Variants in STARD13 observed in about 807,000 individuals in gnomAD.
The protein encoded by STARD13 is stAR-related lipid transfer protein 13.
A neutral mutation model predicts 106.4 loss-of-function variants in STARD13; 62 were observed. The ratio of observed to expected loss-of-function variants is 0.58; its 90% CI spans 0.48 to 0.72. STARD13 has a LOEUF of 0.72. Among genes scored for constraint, STARD13 ranks in the 30% least tolerant of loss-of-function variants. The pLI is 0.00. For missense variants in STARD13, 1,387 were observed against 1,424.0 expected (o/e 0.97, Z 0.42); for synonymous variants, 565 against 553.0 (o/e 1.02, Z -0.31).
At chr13:33,367,631 T>C in the STARD13 span, among the ~76,000 whole-genome samples, 1 of 152,050 alleles carries the variant, frequency 6.6e-6, no homozygotes, top group African/African-American at 2.4e-5. Flanking sequence ...GTCTCAGTGA[T>C]AGATTTGCAT....
chr13:33,138,581 A>C (rs1303188900), intron 4 of STARD13: 1 of 199,034 alleles, frequency 5.0e-6, no homozygotes, highest in Non-Finnish European at 1.0e-5. Context: ...ACAGCTGCAA[A>C]AGGCAACGCA....
the STARD13 span, among the ~76,000 whole-genome samples, chr13:33,424,584 G>A: frequency 3.9e-5 from 6 of 152,118 alleles, no homozygotes; most frequent in East Asian, 1.9e-4. Flanking sequence ...AGCAACACCC[G>A]TGAAAAGAAA....
chr13:33,455,161 C>A, the STARD13 span, among the ~76,000 whole-genome samples: 1 of 152,186 alleles, frequency 6.6e-6, no homozygotes, highest in Non-Finnish European at 1.5e-5. Context: ...CAGACTGTGA[C>A]ACACAGAAGC....
chr13:33,591,857 C>T, the STARD13 span, among the ~76,000 whole-genome samples: 1 of 152,148 alleles, frequency 6.6e-6, no homozygotes, highest in African/African-American at 2.4e-5. Flanking sequence ...TAAGCTTTGA[C>T]CTACTCAACA....
intron 1 of STARD13, chr13:33,272,672 T>C (rs894024638): frequency 6.6e-6 from 1 of 152,098 alleles, no homozygotes; most frequent in Admixed American, 6.5e-5. Context: ...GAAGGAAAGG[T>C]GACTGACAGC....
At chr13:33,430,290 C>T in the STARD13 span, among the ~76,000 whole-genome samples, 2 of 152,030 alleles carry the variant, frequency 1.3e-5, no homozygotes, top group Admixed American at 1.3e-4. Context: ...GGATGGATAC[C>T]CCATTCTCCA....
the STARD13 span, among the ~76,000 whole-genome samples, chr13:33,627,471 T>C: frequency 6.6e-6 from 1 of 152,028 alleles, no homozygotes; most frequent in Non-Finnish European, 1.5e-5. Context: ...ACCCCGTCTC[T>C]ACTAAAAATA....
the STARD13 span, among the ~76,000 whole-genome samples, chr13:33,637,333 A>G: frequency 6.6e-6 from 1 of 152,206 alleles, no homozygotes; most frequent in East Asian, 1.9e-4. Flanking sequence ...TTCCACCACC[A>G]CATTACAGGA....
Position 33,111,876 on chromosome 13 carries a change from A to G in STARD13, c.2509T>C (p.Tyr837His), listed in dbSNP as rs776845383. ...ESSPRVIQKK[Y>H]ATGKPDQKDL... is the part of the protein sequence containing the mutation. The stretch of plus-strand genomic sequence containing the variant: ...TTTTGATCTGGCTTCCCAGTGGCAT[A>G]TTTCTTCTGTATGACTCTGTAATTG... The change falls in exon 10 of 14, where the codon TAT becomes CAT. Residue 837 changes from tyrosine (Y) to histidine (H), a missense_variant. By Grantham distance (83) the Tyr-to-His change is moderately conservative. Transcript: ENST00000336934. 2 of 1,613,166 alleles carry G rather than the reference A, an allele frequency of 1.2e-6. No individual in the cohort carries two copies. The highest frequency in any genetic ancestry group is 1.1e-5 in the South Asian group (1 of 91,052).
the STARD13 span, among the ~76,000 whole-genome samples, chr13:33,618,576 T>C: frequency 6.6e-6 from 1 of 152,076 alleles, no homozygotes; most frequent in Non-Finnish European, 1.5e-5. Context: ...ATATTGAGGA[T>C]ACAAATTAAA....
the STARD13 span, among the ~76,000 whole-genome samples, chr13:33,362,417 A>G: frequency 6.6e-6 from 1 of 152,226 alleles, no homozygotes; most frequent in Non-Finnish European, 1.5e-5. Context: ...ACATTTCCAC[A>G]TAAGATTTGG....
chr13:33,126,185 C>T lies in STARD13; in HGVS notation c.1978G>A (p.Val660Ile). Residue 660 changes from valine (V) to isoleucine (I), a missense_variant, in exon 7 of 14, where the codon GTC (valine) becomes ATC (isoleucine). By Grantham distance (29) the Val-to-Ile change is conservative. Transcript: ENST00000336934. ...MKVPDYKDKAVFGVPLIVHVQ... is the reference protein window; with the variant it reads ...MKVPDYKDKAIFGVPLIVHVQ... ...TGGACTATGAGAGGAACGCCAAAGACAGCCTTGTCTTTGTAGTCGGGAACT... is the reference window on the plus strand; with the variant it reads ...TGGACTATGAGAGGAACGCCAAAGATAGCCTTGTCTTTGTAGTCGGGAACT... The T allele has an allele frequency of 1.2e-6, 2 of 1,614,188 alleles. No homozygotes were observed. Among genetic ancestry groups the T allele is most frequent in the Non-Finnish European group, 1.7e-6 (2 of 1,180,032 alleles).
chr13:33,178,450 A>T (rs1884925508), intron 1 of STARD13, among the ~76,000 whole-genome samples: 1 of 152,206 alleles, frequency 6.6e-6, no homozygotes, highest in African/African-American at 2.4e-5. Context: ...TTCTGGGTTG[A>T]CATTTCTCAT....
At chr13:33,247,780 G>C (rs1171373876) in intron 1 of STARD13, among the ~76,000 whole-genome samples, 1 of 152,122 alleles carries the variant, frequency 6.6e-6, no homozygotes, top group Admixed American at 6.5e-5. Flanking sequence ...ACAATTCTCA[G>C]CACTGGCTGA....
the STARD13 span, among the ~76,000 whole-genome samples, chr13:33,560,785 T>C: frequency 4.0e-5 from 6 of 151,610 alleles, no homozygotes; most frequent in Non-Finnish European, 7.4e-5. Context: ...TTTGTTGTTA[T>C]GCTTTGGTTA....
At chr13:33,660,015 C>G in the STARD13 span, 3 of 152,080 alleles carry the variant, frequency 2.0e-5, no homozygotes, top group Non-Finnish European at 4.4e-5. Context: ...GATGCCAATG[C>G]CATGTTTGAA....
At chr13:33,502,074 T>C in the STARD13 span, among the ~76,000 whole-genome samples, 1 of 152,192 alleles carries the variant, frequency 6.6e-6, no homozygotes, top group Admixed American at 6.6e-5. Context: ...CAGTGGTTTG[T>C]AGTTCTCCGT....
Position 33,140,780 on chromosome 13 carries a change from T to TTTTG in STARD13, c.387+1529_387+1530insCAAA, listed in dbSNP as rs1879716184. ...TTCTTTTCTTTCTTTTTTTTTTTTT[T>TTTTG]GAGGCGGAGTCTCTCTCTGTCAGGC... On this transcript the variant is annotated intron_variant, in intron 4 of 13. Coordinates refer to ENST00000336934, the MANE Select transcript of STARD13 (RefSeq NM_178006.4). 2.0e-5 allele frequency among the ~76,000 whole-genome samples: 3 copies of TTTTG among 151,568 alleles called. 1 individual carries two copies. The highest frequency in any genetic ancestry group is 7.3e-5 in the African/African-American group (3 of 41,236).
At chr13:33,402,392 G>A in the STARD13 span, among the ~76,000 whole-genome samples, 3 of 152,242 alleles carry the variant, frequency 2.0e-5, no homozygotes, top group Non-Finnish European at 4.4e-5. Context: ...GAACTACTCA[G>A]TATATGAAAT....
Sources: allele counts gnomAD v4.1 joint callset (sites outside exome capture counted in the v4.1 genomes callset), GRCh38; gene constraint gnomAD v4.1.1; transcripts MANE v1.5; gene names NCBI Gene and HGNC (gene_info 2026-07-23, HGNC 2026-07-21).